The following ARHGAP35 variants were observed in gnomAD, a reference collection of about 807,000 sequenced individuals.
ARHGAP35 encodes the protein Rho GTPase activating protein 35, also known as rho GTPase-activating protein 35.
Under a neutral mutation model 111.1 loss-of-function variants are expected in ARHGAP35, and 15 were observed. That is an observed-to-expected ratio of 0.13 (90% CI 0.09 to 0.21). The LOEUF (loss-of-function observed/expected upper bound fraction) is 0.21, where lower values mean the gene tolerates loss of function less well. ARHGAP35 is among the 10% of genes least tolerant of loss of function. The probability of loss-of-function intolerance (pLI) is 1.00; values close to 1 mark genes in which losing one functional copy is unlikely to be tolerated. For missense variants in ARHGAP35, 1,262 were observed against 1,873.0 expected (o/e 0.67, Z 6.02); for synonymous variants, 643 against 710.3 (o/e 0.91, Z 1.51).
chr19:46,919,765 A>G lies in ARHGAP35; in HGVS notation c.1090A>G (p.Ile364Val), dbSNP rs777490390. The G allele has an allele frequency of 3.2e-5, 51 of 1,613,960 alleles. No homozygotes were observed. The Admixed American group carries it at 6.2e-4, about 20-fold the overall frequency. Residue 364 changes from isoleucine (I) to valine (V), a missense_variant, in exon 2 of 7, where the codon ATA becomes GTA. This residue lies in a region of ARHGAP35 where 328 missense variants were observed against 440.8 expected (regional missense o/e 0.74). Transcript: ENST00000672722. This position sits in a 1 kb window ranked among gnomAD's most constrained non-coding sequence, Gnocchi z 6.2. ...NLDEIDHLSCIKAKKLLETKP... is the reference protein window; with the variant it reads ...NLDEIDHLSCVKAKKLLETKP... ...AGATGAAATAGACCACCTAAGCTGC[A>G]TAAAAGCCAAAAAGCTCTTAGAAAC...
intron 3 of ARHGAP35, among the ~76,000 whole-genome samples, chr19:46,949,514 T>C (rs904353359): frequency 2.6e-5 from 4 of 152,154 alleles, no homozygotes; most frequent in African/African-American, 9.7e-5. Flanking sequence ...CAGAATATGA[T>C]ACATTTATAA....
chr19:46,940,777 G>C (rs952894078), intron 3 of ARHGAP35, among the ~76,000 whole-genome samples: 9 of 151,952 alleles, frequency 5.9e-5, no homozygotes, highest in African/African-American at 2.2e-4. Context: ...TAGTTTTTTG[G>C]ATATTTCATC....
Position 46,988,370 on chromosome 19 carries a change from T to C in ARHGAP35, c.3904+304T>C, listed in dbSNP as rs541099799. 4 of 358,742 alleles carry C rather than the reference T, an allele frequency of 1.1e-5. No individual in the cohort carries two copies. The highest frequency in any genetic ancestry group is 2.1e-5 in the African/African-American group (1 of 47,594). The allele number at this position is 358,742 out of a possible 1,614,324, so 22.2% of individuals were successfully genotyped here. A position where few individuals can be genotyped will look rare whatever the true frequency, so the allele number is the denominator to read the frequency against. On this transcript the variant is annotated intron_variant, in intron 4 of 6. Transcript: ENST00000672722. This position sits in a 1 kb window ranked among gnomAD's most constrained non-coding sequence, Gnocchi z 5.4. ...GCCTCCCTCACCACACTGAAGAGCT[T>C]TGCCTGTTTTCCCATGCAGAGCTAG...
rs1420998048 is a variant in ARHGAP35, at chr19:46,920,984, C to G, written c.2309C>G (p.Ser770Cys). The change falls in exon 2 of 7, where the codon TCT becomes TGT. Residue 770 changes from serine (S) to cysteine (C), a missense_variant. Coordinates refer to ENST00000672722, the MANE Select transcript of ARHGAP35 (RefSeq NM_004491.5). The surrounding 1 kb of genome is among the most constrained non-coding windows in gnomAD (Gnocchi z 7.0). ...DSKRNLNLVS[S>C]TASIKDLADV... ...AAGCGTAACTTAAACCTGGTCAGTT[C>G]TACTGCTAGCATCAAAGATTTGGCT... 3 of 1,613,990 alleles carry G rather than the reference C, an allele frequency of 1.9e-6. No homozygotes were observed. The highest frequency in any genetic ancestry group is 1.6e-4 in the Middle Eastern group (1 of 6,062).
chr19:46,888,333 TAC>T (rs72465629), intron 1 of ARHGAP35, among the ~76,000 whole-genome samples: 27,785 of 67,120 alleles, frequency 0.41, 7,550 homozygotes, highest in Middle Eastern at 0.68. Flanking sequence ...ATTGATTTTA[TAC>T]ACACACACAC....
At chr19:46,907,392 C>T (rs982063970) in intron 1 of ARHGAP35, among the ~76,000 whole-genome samples, 10 of 152,008 alleles carry the variant, frequency 6.6e-5, no homozygotes, top group African/African-American at 2.4e-4. Context: ...CCTCGTGATC[C>T]GCCCGCCTCG....
chr19:46,949,011 G>A (rs959618633), intron 3 of ARHGAP35: 2 of 152,154 alleles, frequency 1.3e-5, no homozygotes, highest in Non-Finnish European at 2.9e-5. Flanking sequence ...CAAAAAATTA[G>A]CCAGGAGTGG....
In ARHGAP35 at chr19:46,919,163, G is replaced by T; in HGVS notation, c.488G>T (p.Gly163Val). Reference protein sequence around the residue: ...GKLLVDGFLLGIDVSRGMNRN... With the variant: ...GKLLVDGFLLVIDVSRGMNRN... ...CTGCTGGTTGATGGTTTTCTTCTTG[G>T]TATTGATGTTAGCAGGGGCATGAAT... Residue 163 changes from glycine to valine, a missense_variant, in exon 2 of 7, where the codon GGT becomes GTT. Physicochemically the swap from Gly to Val is moderately radical, Grantham distance 109 (BLOSUM62 -3). Coordinates refer to ENST00000672722, the MANE Select transcript of ARHGAP35 (RefSeq NM_004491.5). This position sits in a 1 kb window ranked among gnomAD's most constrained non-coding sequence, Gnocchi z 6.2. 6.2e-7 allele frequency: 1 copy of T among 1,613,892 alleles called. No homozygotes were observed. Among genetic ancestry groups the T allele is most frequent in the Non-Finnish European group, 8.5e-7 (1 of 1,179,878 alleles).
In ARHGAP35 at chr19:46,921,878, G is replaced by C. The variant is rs540980255; in HGVS notation, c.3203G>C (p.Arg1068Thr). 3.5e-5 allele frequency: 56 copies of C among 1,613,988 alleles called. 1 individual carries two copies. In the South Asian group the frequency reaches 5.6e-4, roughly 16 times the overall value. ...YLDQGHRDGQ[R>T]KSVSSSPWLP... ...GACCAAGGCCATAGGGATGGACAGAGGAAGTCTGTGTCTTCTAGCCCCTGG... is the reference window on the plus strand; with the variant it reads ...GACCAAGGCCATAGGGATGGACAGACGAAGTCTGTGTCTTCTAGCCCCTGG... The change falls in exon 2 of 7, where the codon AGG becomes ACG. Residue 1068 changes from arginine to threonine, a missense_variant. Coordinates refer to ENST00000672722, the MANE Select transcript of ARHGAP35 (RefSeq NM_004491.5). This position sits in a 1 kb window ranked among gnomAD's most constrained non-coding sequence, Gnocchi z 4.3.
At chr19:46,873,033 G>A (rs187324835) in intron 1 of ARHGAP35, among the ~76,000 whole-genome samples, 14 of 152,216 alleles carry the variant, frequency 9.2e-5, no homozygotes, top group Non-Finnish European at 2.1e-4. Flanking sequence ...GTGGGAAACC[G>A]AGGTTGCAGA....
intron 3 of ARHGAP35, among the ~76,000 whole-genome samples, chr19:46,968,121 AC>A (rs1246284309): frequency 5.9e-5 from 9 of 152,236 alleles, no homozygotes; most frequent in African/African-American, 2.2e-4. Flanking sequence ...TGGCACAGAA[AC>A]ACTCCAGAGA....
At chr19:46,951,194 C>T (rs958781766) in intron 3 of ARHGAP35, among the ~76,000 whole-genome samples, 1 of 152,188 alleles carries the variant, frequency 6.6e-6, no homozygotes, top group Admixed American at 6.5e-5. Flanking sequence ...GTGCTTTCTG[C>T]GTGGCAGATT....
At chr19:46,863,303 C>T (rs567634642) in intron 1 of ARHGAP35, among the ~76,000 whole-genome samples, 22 of 152,308 alleles carry the variant, frequency 1.4e-4, no homozygotes, top group African/African-American at 5.1e-4. Context: ...GGTTCTCTCC[C>T]CAGGGATCCT....
At chr19:46,889,248 G>A (rs979913845) in intron 1 of ARHGAP35, among the ~76,000 whole-genome samples, 11 of 152,058 alleles carry the variant, frequency 7.2e-5, no homozygotes, top group Admixed American at 6.6e-5. Flanking sequence ...GGCAGTTCAC[G>A]AGGTCAGTAG....
At chr19:46,932,970 T>C (rs1449464850) in intron 2 of ARHGAP35, among the ~76,000 whole-genome samples, 1 of 152,096 alleles carries the variant, frequency 6.6e-6, no homozygotes, top group Non-Finnish European at 1.5e-5. Flanking sequence ...AAAAGAAGCC[T>C]GCTCTATAGT....
At chr19:46,944,892 G>A (rs1205239117) in intron 3 of ARHGAP35, among the ~76,000 whole-genome samples, 1 of 152,186 alleles carries the variant, frequency 6.6e-6, no homozygotes, top group Non-Finnish European at 1.5e-5. Context: ...ATTTGCACCT[G>A]TCTTCTTTCC....
intron 1 of ARHGAP35, among the ~76,000 whole-genome samples, chr19:46,898,148 A>G (rs904169211): frequency 6.6e-6 from 1 of 151,970 alleles, no homozygotes; most frequent in Admixed American, 6.6e-5. Context: ...AGGCTGAGCC[A>G]GGAGAATCAC....
chr19:46,937,489 C>A, intron 3 of ARHGAP35, 81 bp downstream of exon 3: 1 of 1,491,328 alleles, frequency 6.7e-7, no homozygotes, highest in Non-Finnish European at 9.3e-7. Context: ...TCTGGAGATT[C>A]TGGAATCAGT....
chr19:46,882,210 T>C (rs1429798011), intron 1 of ARHGAP35, among the ~76,000 whole-genome samples: 1 of 152,068 alleles, frequency 6.6e-6, no homozygotes, highest in Non-Finnish European at 1.5e-5. Flanking sequence ...TATGGCTTAC[T>C]GTAGCCTCAG....
Sources: gnomAD v4.1 joint callset for allele counts (sites outside exome capture counted in the v4.1 genomes callset) on GRCh38, gnomAD v4.1.1 for gene constraint, gnomAD v4.1.1 regional missense constraint, Gnocchi (gnomAD v3.1) non-coding constraint, MANE v1.5 for transcripts, NCBI Gene and HGNC (gene_info 2026-07-23, HGNC 2026-07-21) for gene names.